SGCB: variants seen among roughly 807,000 people sequenced by gnomAD.
SGCB encodes sarcoglycan beta, also known as beta-sarcoglycan.
SGCB carries 25 observed loss-of-function variants against 27.3 expected under a neutral mutation model. The ratio of observed to expected loss-of-function variants is 0.92; its 90% CI spans 0.67 to 1.28. SGCB has a LOEUF of 1.28. Ranked by LOEUF, SGCB falls within the 50% of genes most tolerant of loss-of-function variation. The pLI is 0.00. For synonymous variants in SGCB, 147 were observed against 133.5 expected (o/e 1.10, Z -0.70); for missense variants, 436 against 402.1 (o/e 1.08, Z -0.72).
chr4:52,037,266 T>C (rs1737416801), intron 1 of SGCB, among the ~76,000 whole-genome samples: 1 of 152,232 alleles, frequency 6.6e-6, no homozygotes, highest in South Asian at 2.1e-4. Context: ...TATTTGGCTG[T>C]ATGACTTTAA....
chr4:52,029,325 C>T (rs903401565), intron 3 of SGCB, among the ~76,000 whole-genome samples: 33 of 152,170 alleles, frequency 2.2e-4, no homozygotes, highest in African/African-American at 7.5e-4. Flanking sequence ...GTATTCTCAC[C>T]TGGGAAAGTG....
rs112962829 is a variant in SGCB at position 52,026,338 on chromosome 4, A to C, written c.753+1630T>G. On this transcript the variant is annotated intron_variant, in intron 5 of 5. Transcript: ENST00000381431. ...CAGTGGCGCGATCTGGGTTCACTGC[A>C]ATCTCTGCCTCCTGGTTTCAAGCGA... Among the ~76,000 whole-genome samples the C allele has an allele frequency of 4.1e-4, 57 of 137,568 alleles. 2 individuals carry two copies. Among genetic ancestry groups the C allele is most frequent in the African/African-American group, 1.4e-3 (52 of 35,888 alleles). 90.2% of individuals were successfully genotyped at this position (137,568 alleles called of 152,430 possible). A position where few individuals can be genotyped will look rare whatever the true frequency, so the allele number is the denominator to read the frequency against.
intron 1 of SGCB, among the ~76,000 whole-genome samples, chr4:52,035,608 G>A (rs577465104): frequency 6.6e-6 from 1 of 152,122 alleles, no homozygotes; most frequent in South Asian, 2.1e-4. Flanking sequence ...TAAAGGTGTG[G>A]GCATTTGTAC....
chr4:52,036,605 A>G lies in SGCB; in HGVS notation c.33+1622T>C, dbSNP rs146877890. ...AAGAGTCCCAATGAGGTACTGACTG[A>G]GGTTTGACTTTGAAGCTGAAGTCTG... On this transcript the variant is annotated intron_variant, in intron 1 of 5. Transcript: ENST00000381431. Among the ~76,000 whole-genome samples, 113 of 152,318 alleles carry G rather than the reference A, an allele frequency of 7.4e-4. 2 individuals carry two copies. The East Asian group carries it at 0.021, about 29-fold the overall frequency.
intron 3 of SGCB, among the ~76,000 whole-genome samples, chr4:52,029,392 C>G (rs934857464): frequency 2.0e-5 from 3 of 152,076 alleles, no homozygotes; most frequent in Non-Finnish European, 4.4e-5. Flanking sequence ...TATTCTCATA[C>G]AAATTACATC....
In SGCB at chr4:52,021,788, A is replaced by T. The variant is rs956488764; in HGVS notation, c.*2169T>A. 3.9e-5 allele frequency: 6 copies of T among 152,360 alleles called. No homozygotes were observed. Among genetic ancestry groups the T allele is most frequent in the Admixed American group, 1.3e-4 (2 of 15,310 alleles). The allele number at this position is 152,360 out of a possible 1,614,324, so 9.4% of individuals were successfully genotyped here. A position where few individuals can be genotyped will look rare whatever the true frequency, so the allele number is the denominator to read the frequency against. On this transcript the variant is annotated 3_prime_UTR_variant, in exon 6 of 6. Coordinates refer to ENST00000381431, the MANE Select transcript of SGCB (RefSeq NM_000232.5). ...GGGAAAAAGCCAGGACTACCTGTAA[A>T]GTATCATAAAATGCTATGGCTGTTA...
intron 5 of SGCB, among the ~76,000 whole-genome samples, chr4:52,025,777 A>C (rs1424699203): frequency 2.6e-5 from 4 of 152,212 alleles, no homozygotes; most frequent in African/African-American, 9.6e-5. Context: ...GAATGATGGC[A>C]GTTTACATCA....
Position 52,028,687 on chromosome 4 carries a change from A to G in SGCB, c.621+43T>C, listed in dbSNP as rs1204654328. 8.0e-6 allele frequency: 11 copies of G among 1,367,322 alleles called. No homozygotes were observed. In the African/African-American group the frequency reaches 1.4e-4, roughly 18 times the overall value. The allele number at this position is 1,367,322 out of a possible 1,614,324, so 84.7% of individuals were successfully genotyped here. A position where few individuals can be genotyped will look rare whatever the true frequency, so the allele number is the denominator to read the frequency against. On this transcript the variant is annotated intron_variant, in intron 4 of 5. Coordinates refer to ENST00000381431, the MANE Select transcript of SGCB (RefSeq NM_000232.5). ...CTCTTCCCACTTTATAACTCTAGAG[A>G]ATAATTCTCTCCCATTAGTAAAACA... is the stretch of plus-strand genomic sequence containing the variant.
intron 1 of SGCB, among the ~76,000 whole-genome samples, chr4:52,034,155 C>G (rs1737322153): frequency 6.6e-6 from 1 of 150,694 alleles, no homozygotes; most frequent in African/African-American, 2.4e-5. Flanking sequence ...GATGGTGAAA[C>G]CCTGTCTCTA....
At chr4:52,031,406 ATGTGTGTGTGTGTGTG>A (rs57599198) in intron 2 of SGCB, among the ~76,000 whole-genome samples, 2,070 of 142,786 alleles carry the variant, frequency 0.014, 22 homozygotes, top group African/African-American at 0.028. Context: ...GTGTGTGTGT[ATGTGTGTGTGTGTGTG>A]TGTGTGTGTG....
chr4:52,033,515 G>T lies in SGCB; in HGVS notation c.159C>A (p.His53Gln). 1 of 1,613,842 alleles carries T rather than the reference G, an allele frequency of 6.2e-7. No homozygotes were observed. Among genetic ancestry groups the T allele is most frequent in the East Asian group, 2.2e-5 (1 of 44,854 alleles). ...GYIPIDEDRL[H>Q]KTGLRGRKGN... ...CCTTTCTTCCTCTCAACCCTGTTTT[G>T]TGGAGACGATCTTCATCAATCGGAA... The change falls in exon 2 of 6, where the codon CAC (histidine) becomes CAA (glutamine). Residue 53 changes from histidine to glutamine, a missense_variant. His to Gln is a conservative substitution (Grantham distance 24). Transcript: ENST00000381431.
rs746957769 is a variant in SGCB, at chr4:52,029,825, T to C, written c.282A>G (p.Pro94=). 6.8e-6 allele frequency: 11 copies of C among 1,613,892 alleles called. No individual in the cohort carries two copies. In the East Asian group the frequency reaches 2.2e-4, roughly 33 times the overall value. ...GAAACTCCATACTATCACAGCCATTTGGTCCAATGCGAATCACGGCCCAAA... is the reference window on the plus strand; with the variant it reads ...GAAACTCCATACTATCACAGCCATTCGGTCCAATGCGAATCACGGCCCAAA... ...LVIWAVIRIG[P]NGCDSMEFHE... is the part of the protein sequence containing the mutation. The change falls in exon 3 of 6, where the codon CCA becomes CCG. Residue 94 remains proline (P), a synonymous_variant. Transcript: ENST00000381431.
intron 1 of SGCB, among the ~76,000 whole-genome samples, chr4:52,036,197 T>C (rs908259654): frequency 2.6e-5 from 4 of 152,156 alleles, no homozygotes; most frequent in African/African-American, 7.2e-5. Context: ...AAGCTGAAGG[T>C]TGAGTTAACT....
Position 52,038,152 on chromosome 4 carries a change from G to A in SGCB, c.33+75C>T, listed in dbSNP as rs1737449488. The A allele has an allele frequency of 2.6e-6, 3 of 1,148,772 alleles. No individual in the cohort carries two copies. The South Asian group carries it at 1.3e-4, about 48-fold the overall frequency. The allele number at this position is 1,148,772 out of a possible 1,614,324, so 71.2% of individuals were successfully genotyped here. A position where few individuals can be genotyped will look rare whatever the true frequency, so the allele number is the denominator to read the frequency against. On this transcript the variant is annotated intron_variant, in intron 1 of 5. Transcript: ENST00000381431. Reference sequence around the variant, plus strand: ...CGCGCCCCCCGCACCCCCGGCCAGGGCTCCCGCGGGCCCAGCCGGCAGGAC... The same window carrying A: ...CGCGCCCCCCGCACCCCCGGCCAGGACTCCCGCGGGCCCAGCCGGCAGGAC...
At position 52,021,011 on chromosome 4, in the gene SGCB, T is replaced by C. The variant is rs1170001974; in HGVS notation, c.*2946A>G. The C allele has an allele frequency of 6.6e-6, 1 of 152,232 alleles. No individual in the cohort carries two copies. Among genetic ancestry groups the C allele is most frequent in the Non-Finnish European group, 1.5e-5 (1 of 68,036 alleles). 9.4% of individuals were successfully genotyped at this position (152,232 alleles called of 1,614,324 possible). On this transcript the variant is annotated 3_prime_UTR_variant, in exon 6 of 6. Coordinates refer to ENST00000381431, the MANE Select transcript of SGCB (RefSeq NM_000232.5). ...ATCACACAAAATTTATTTTGTTTTT[T>C]TCACAATGCAAAAAGAAGACAAATA...
At position 52,029,056 on chromosome 4, in the gene SGCB, T is replaced by A. The variant is rs138365161; in HGVS notation, c.430-135A>T. On this transcript the variant is annotated intron_variant, in intron 3 of 5. Transcript: ENST00000381431. Reference sequence around the variant, plus strand: ...AATAACAGACTAACTTCAAATACGTTTAACTCTGTCTGTTCTCCCTCCATC... The same window carrying A: ...AATAACAGACTAACTTCAAATACGTATAACTCTGTCTGTTCTCCCTCCATC... 1,192 of 661,574 alleles carry A rather than the reference T, an allele frequency of 1.8e-3. 16 individuals carry two copies. The Admixed American group carries it at 0.027, about 15-fold the overall frequency. 41.0% of individuals were successfully genotyped at this position (661,574 alleles called of 1,614,324 possible). A position where few individuals can be genotyped will look rare whatever the true frequency, so the allele number is the denominator to read the frequency against.
chr4:52,030,723 T>TA (rs1267709442), intron 2 of SGCB, among the ~76,000 whole-genome samples: 3 of 152,196 alleles, frequency 2.0e-5, no homozygotes, highest in African/African-American at 7.2e-5. Context: ...AACTTTCCCT[T>TA]ACGTTCATGC....
In SGCB at chr4:52,033,532, C is replaced by T. The variant is rs1737305316; in HGVS notation, c.142G>A (p.Asp48Asn). The T allele has an allele frequency of 1.2e-6, 2 of 1,613,774 alleles. No individual in the cohort carries two copies. Among genetic ancestry groups the T allele is most frequent in the Non-Finnish European group, 1.7e-6 (2 of 1,179,710 alleles). ...CCTGTTTTGTGGAGACGATCTTCATCAATCGGAATGTATCCAGCTTTAAAG... is the reference window on the plus strand; with the variant it reads ...CCTGTTTTGTGGAGACGATCTTCATTAATCGGAATGTATCCAGCTTTAAAG... The part of the protein sequence containing the change: ...SNFKAGYIPI[D>N]EDRLHKTGLR... The change falls in exon 2 of 6, where the codon GAT (aspartate) becomes AAT (asparagine). Residue 48 changes from aspartate (D) to asparagine (N), a missense_variant. Asp to Asn is a conservative substitution (Grantham distance 23). Transcript: ENST00000381431.
intron 5 of SGCB, 43 bp from the exon 6 acceptor site, chr4:52,024,203 G>C: frequency 6.8e-7 from 1 of 1,480,282 alleles, no homozygotes; most frequent in Non-Finnish European, 9.4e-7. Flanking sequence ...CTCCATGAGG[G>C]GGTACAGAAC....
Sources: allele counts gnomAD v4.1 joint callset (sites outside exome capture counted in the v4.1 genomes callset), GRCh38; gene constraint gnomAD v4.1.1; transcripts MANE v1.5; gene names NCBI Gene and HGNC (gene_info 2026-07-23, HGNC 2026-07-21).